Variants in ARHGAP45 observed in about 807,000 individuals in gnomAD.
The protein encoded by ARHGAP45 is Rho GTPase activating protein 45.
Under a neutral mutation model 116.1 loss-of-function variants are expected in ARHGAP45, and 56 were observed. The observed-to-expected ratio is 0.48, with a 90% CI of 0.39 to 0.60. The LOEUF (loss-of-function observed/expected upper bound fraction) is 0.60. Among genes scored for constraint, ARHGAP45 ranks in the 20% least tolerant of loss-of-function variants. ARHGAP45 has a pLI of 0.00. For missense variants in ARHGAP45, 1,622 were observed against 1,601.0 expected (o/e 1.01, Z -0.22); for synonymous variants, 866 against 701.7 (o/e 1.23, Z -3.70).
upstream of ARHGAP45, chr19:1,066,126 A>C (rs2043026079): frequency 2.6e-6 from 4 of 1,535,586 alleles, no homozygotes; most frequent in East Asian, 9.8e-5. Context: ...TGTGGCCTTC[A>C]TGTCCTGTGC....
rs115553053 is a variant in ARHGAP45, at chr19:1,082,845, C to T, written c.2523C>T (p.Pro841=). The change falls in exon 20 of 23, where the codon CCC becomes CCT. Residue 841 remains proline (P), a synonymous_variant. Transcript: ENST00000313093. ...TGACCCTTGACTCTGCGCAGCTTCCCGAGCCGCTCATCTCCTTCCGCCTCT... is the reference window on the plus strand; with the variant it reads ...TGACCCTTGACTCTGCGCAGCTTCCTGAGCCGCTCATCTCCTTCCGCCTCT... The part of the protein sequence containing the change: ...NVLKLYLRQL[P]EPLISFRLYH... 2.2e-3 allele frequency: 3,236 copies of T among 1,502,052 alleles called. 66 individuals are homozygous for T. The African/African-American group carries it at 0.041, about 19-fold the overall frequency. 93.0% of individuals were successfully genotyped at this position (1,502,052 alleles called of 1,614,324 possible). A position where few individuals can be genotyped will look rare whatever the true frequency, so the allele number is the denominator to read the frequency against.
Position 1,082,849 on chromosome 19 carries a change from C to A in ARHGAP45, c.2527C>A (p.Pro843Thr). 6.6e-7 allele frequency: 1 copy of A among 1,513,038 alleles called. No homozygotes were observed. The allele number at this position is 1,513,038 out of a possible 1,614,324, so 93.7% of individuals were successfully genotyped here. Reference sequence around the variant, plus strand: ...CCTTGACTCTGCGCAGCTTCCCGAGCCGCTCATCTCCTTCCGCCTCTACCA... The same window carrying A: ...CCTTGACTCTGCGCAGCTTCCCGAGACGCTCATCTCCTTCCGCCTCTACCA... ...LKLYLRQLPE[P>T]LISFRLYHEL... The change falls in exon 20 of 23, where the codon CCG becomes ACG. Residue 843 changes from proline to threonine, a missense_variant. This residue lies in a region of ARHGAP45 where 1,334 missense variants were observed against 1,263.8 expected (regional missense o/e 1.06). Coordinates refer to ENST00000313093, the MANE Select transcript of ARHGAP45 (RefSeq NM_012292.5).
At chr19:1,082,260 A>G (rs1309677716) in intron 19 of ARHGAP45, among the ~76,000 whole-genome samples, 1 of 81,498 alleles carries the variant, frequency 1.2e-5, no homozygotes, top group Non-Finnish European at 2.2e-5. Context: ...GCAGAGGCAC[A>G]CCTGACGCTG....
At chr19:1,084,374 C>T (rs1236317020) in intron 22 of ARHGAP45, 28 bp downstream of exon 22, 8 of 1,570,992 alleles carry the variant, frequency 5.1e-6, no homozygotes, top group Middle Eastern at 4.4e-4. Context: ...CGAACGGCCC[C>T]AAGGGAGGCT....
rs201912187 is a variant in ARHGAP45, at chr19:1,073,264, A to C, written c.537A>C (p.Ala179=). 1 of 1,613,692 alleles carries C rather than the reference A, an allele frequency of 6.2e-7. No homozygotes were observed. Among genetic ancestry groups the C allele is most frequent in the African/African-American group, 1.3e-5 (1 of 75,068 alleles). The change falls in exon 3 of 23, where the codon GCA becomes GCC. Residue 179 remains alanine (A), a synonymous_variant. Coordinates refer to ENST00000313093, the MANE Select transcript of ARHGAP45 (RefSeq NM_012292.5). ...TGAACACCGTGGAGACGCTCACCGC[A>C]GCCGGCACCCTCATTGCCAAGGTCA... The part of the protein sequence containing the change: ...PLLNTVETLT[A]AGTLIAKVKA...
chr19:1,074,960 A>C (rs1043930440), intron 10 of ARHGAP45, 81 bp downstream of exon 10: 3 of 1,260,174 alleles, frequency 2.4e-6, no homozygotes, highest in Admixed American at 7.5e-5. Context: ...CCCCATAGCG[A>C]GGGCCCTGCG....
chr19:1,070,950 G>C (rs927722342), intron 2 of ARHGAP45, among the ~76,000 whole-genome samples: 1 of 152,196 alleles, frequency 6.6e-6, no homozygotes, highest in South Asian at 2.1e-4. Flanking sequence ...CCTGCATGCA[G>C]CGATGGTTGT....
chr19:1,085,994 G>C lies in ARHGAP45; in HGVS notation c.3399G>C (p.Pro1133=), dbSNP rs34721728. 6.2e-7 allele frequency: 1 copy of C among 1,611,594 alleles called. No homozygotes were observed. The highest frequency in any genetic ancestry group is 8.5e-7 in the Non-Finnish European group (1 of 1,179,168). The change falls in exon 23 of 23, where the codon CCG becomes CCC. Residue 1133 remains proline, a synonymous_variant. Coordinates refer to ENST00000313093, the MANE Select transcript of ARHGAP45 (RefSeq NM_012292.5). ...MTLGSCRERQ[P]EFV ...TGGGCTCCTGCAGGGAAAGGCAGCCGGAATTCGTGTGAGCTGGGGTGGGGC... is the reference window on the plus strand; with the variant it reads ...TGGGCTCCTGCAGGGAAAGGCAGCCCGAATTCGTGTGAGCTGGGGTGGGGC...
At chr19:1,078,410 TG>T (rs1288368488) in intron 11 of ARHGAP45, among the ~76,000 whole-genome samples, 1 of 151,704 alleles carries the variant, frequency 6.6e-6, no homozygotes, top group East Asian at 1.9e-4. Flanking sequence ...CCCAAAGTGC[TG>T]GGATTATAGG....
intron 9 of ARHGAP45, 34 bp from the exon 10 acceptor site, chr19:1,074,765 C>T (rs780086929): frequency 6.3e-7 from 1 of 1,598,418 alleles, no homozygotes; most frequent in Non-Finnish European, 8.5e-7. Flanking sequence ...GGGGGTGTCA[C>T]CGGGGTACCC....
chr19:1,074,547 G>A, intron 8 of ARHGAP45, 67 bp from the exon 9 acceptor site: 1 of 1,433,340 alleles, frequency 7.0e-7, no homozygotes, highest in Non-Finnish European at 9.4e-7. Flanking sequence ...GGAGCTGGTG[G>A]CTGGGGGTGC....
rs1287495775 is a variant in ARHGAP45 at position 1,078,081 on chromosome 19, G to C, written c.1374+36G>C. The C allele has an allele frequency of 2.0e-6, 3 of 1,530,356 alleles. No homozygotes were observed. In the Admixed American group the frequency reaches 6.1e-5, roughly 31 times the overall value. The allele number at this position is 1,530,356 out of a possible 1,614,324, so 94.8% of individuals were successfully genotyped here. ...GTGGAGGCAGGGCTGGAGGTCCCTG[G>C]AGGAGGAGATCCAATGCTTGGTGTG... is the stretch of plus-strand genomic sequence containing the variant. On this transcript the variant is annotated intron_variant, in intron 11 of 22. Coordinates refer to ENST00000313093, the MANE Select transcript of ARHGAP45 (RefSeq NM_012292.5).
At position 1,080,242 on chromosome 19, in the gene ARHGAP45, T is replaced by C; in HGVS notation, c.1704-13T>C. ...CCATCACCTCCCCTCCTTTTCCCGG[T>C]TTCTTCCACTAGGTCCCCCGTCATG... On this transcript the variant is annotated splice_polypyrimidine_tract_variant and intron_variant, in intron 13 of 22. Coordinates refer to ENST00000313093, the MANE Select transcript of ARHGAP45 (RefSeq NM_012292.5). 6.2e-7 allele frequency: 1 copy of C among 1,612,348 alleles called. No homozygotes were observed. The highest frequency in any genetic ancestry group is 1.1e-5 in the South Asian group (1 of 91,046).
chr19:1,082,363 G>A (rs1464995524), intron 19 of ARHGAP45, among the ~76,000 whole-genome samples: 6 of 151,566 alleles, frequency 4.0e-5, no homozygotes, highest in Non-Finnish European at 7.4e-5. Context: ...ATGAGGCTAG[G>A]GGCGGGGCTG....
At chr19:1,084,813 C>T (rs760616917) in intron 22 of ARHGAP45, among the ~76,000 whole-genome samples, 5 of 152,064 alleles carry the variant, frequency 3.3e-5, no homozygotes, top group South Asian at 2.1e-4. Flanking sequence ...AGGCTGGGCA[C>T]GGTGGCTCAC....
In ARHGAP45 at chr19:1,080,975, C is replaced by T. The variant is rs771382257; in HGVS notation, c.2101C>T (p.Arg701Cys). The T allele has an allele frequency of 3.1e-6, 5 of 1,608,118 alleles. No individual in the cohort carries two copies. Among genetic ancestry groups the T allele is most frequent in the Non-Finnish European group, 4.2e-6 (5 of 1,178,150 alleles). Residue 701 changes from arginine to cysteine, a missense_variant, in exon 17 of 23, where the codon CGT becomes TGT. Transcript: ENST00000313093. ...CCACGAGGGGCTGTCCAAGGCGGCC[C>T]GTACTCACCGGCTCCGGAAGCTCCG... is the stretch of plus-strand genomic sequence containing the variant. ...FRHEGLSKAA[R>C]THRLRKLRTP...
intron 19 of ARHGAP45, 122 bp from the exon 20 acceptor site, chr19:1,082,718 C>G: frequency 1.2e-6 from 1 of 858,438 alleles, no homozygotes; most frequent in Non-Finnish European, 1.7e-6. Flanking sequence ...CTGGGTGGAA[C>G]CCGAGCTCGG....
intron 21 of ARHGAP45, among the ~76,000 whole-genome samples, chr19:1,083,878 C>T (rs750671814): frequency 2.0e-5 from 3 of 152,184 alleles, no homozygotes; most frequent in African/African-American, 7.2e-5. Flanking sequence ...GTAGCTGGGA[C>T]TACAGGCGCC....
chr19:1,082,657 G>C (rs1222625197), intron 19 of ARHGAP45, 183 bp from the exon 20 acceptor site: 8 of 576,462 alleles, frequency 1.4e-5, no homozygotes, highest in Non-Finnish European at 2.4e-5. Flanking sequence ...GCGTGGCCCG[G>C]GTAGGAGGGG....
Sources: allele counts gnomAD v4.1 joint callset (sites outside exome capture counted in the v4.1 genomes callset), GRCh38; gene constraint gnomAD v4.1.1; regional missense constraint gnomAD v4.1.1; transcripts MANE v1.5; gene names NCBI Gene and HGNC (gene_info 2026-07-23, HGNC 2026-07-21).